UBASH3B: variants seen among roughly 807,000 people sequenced by gnomAD.
UBASH3B encodes the protein ubiquitin associated and SH3 domain containing B.
A neutral mutation model predicts 83.4 loss-of-function variants in UBASH3B; 37 were observed. The observed-to-expected ratio is 0.44, with a 90% CI of 0.34 to 0.58. The LOEUF is 0.58. Among genes scored for constraint, UBASH3B ranks in the 20% least tolerant of loss-of-function variants. UBASH3B has a pLI of 0.01. For synonymous variants in UBASH3B, 304 were observed against 318.3 expected, an observed-to-expected ratio of 0.96 and a Z score of 0.48; for missense variants, 657 against 827.2, an observed-to-expected ratio of 0.79 and a Z score of 2.52.
At chr11:122,720,313 T>G (rs117295806) in intron 1 of UBASH3B, among the ~76,000 whole-genome samples, 1,809 of 152,320 alleles carry the variant, frequency 0.012, 24 homozygotes, top group Admixed American at 0.019. Flanking sequence ...TTCCATCCAG[T>G]CCATCAGTGA....
intron 1 of UBASH3B, among the ~76,000 whole-genome samples, chr11:122,668,415 T>C (rs953089370): frequency 1.3e-5 from 2 of 152,200 alleles, no homozygotes; most frequent in African/African-American, 4.8e-5. Flanking sequence ...TCTGGCCTTT[T>C]GTTTGCATCT....
chr11:122,669,774 T>A (rs919829482), intron 1 of UBASH3B, among the ~76,000 whole-genome samples: 15 of 152,212 alleles, frequency 9.9e-5, no homozygotes, highest in Admixed American at 6.5e-5. Context: ...ATAGGAACTA[T>A]TATTATACCC....
At chr11:122,803,294 G>C (rs1861287060) in intron 11 of UBASH3B, among the ~76,000 whole-genome samples, 1 of 152,182 alleles carries the variant, frequency 6.6e-6, no homozygotes, top group Admixed American at 6.5e-5. Flanking sequence ...ATGCCAAATG[G>C]ACAAGCCTTT....
intron 1 of UBASH3B, among the ~76,000 whole-genome samples, chr11:122,690,978 G>A (rs1052010316): frequency 6.6e-5 from 10 of 152,244 alleles, no homozygotes; most frequent in South Asian, 2.1e-4. Flanking sequence ...ATGGTTTACC[G>A]AAGGCCACGA....
chr11:122,702,669 C>T (rs561377576), intron 1 of UBASH3B, among the ~76,000 whole-genome samples: 215 of 152,040 alleles, frequency 1.4e-3, no homozygotes, highest in African/African-American at 5.0e-3. Flanking sequence ...AGATTACAGG[C>T]GCATGCTACC....
At chr11:122,722,017 A>G (rs750523578) in intron 1 of UBASH3B, among the ~76,000 whole-genome samples, 5 of 152,240 alleles carry the variant, frequency 3.3e-5, no homozygotes, top group Non-Finnish European at 5.9e-5. Context: ...ATAATGCATT[A>G]GTCATCATAC....
chr11:122,680,123 G>T (rs1863719492), intron 1 of UBASH3B, among the ~76,000 whole-genome samples: 1 of 152,168 alleles, frequency 6.6e-6, no homozygotes, highest in Non-Finnish European at 1.5e-5. Context: ...GAGCCACCAT[G>T]CCCAACCAAT....
rs750083695 is a variant in UBASH3B, at chr11:122,656,033, T to C, written c.-17T>C. 1.2e-5 allele frequency: 18 copies of C among 1,564,004 alleles called. No homozygotes were observed. The highest frequency in any genetic ancestry group is 1.6e-5 in the Non-Finnish European group (18 of 1,156,106). ...CCGGCTCGGGCTCCTTCCCTGGCGA[T>C]GGCTGGCCGCTGAGCCATGGCTCAG... On this transcript the variant is annotated 5_prime_UTR_variant, in exon 1 of 14. It removes an upstream start codon present in the reference 5' UTR. Transcript: ENST00000284273.
At chr11:122,695,974 G>A (rs981665757) in intron 1 of UBASH3B, among the ~76,000 whole-genome samples, 13 of 152,176 alleles carry the variant, frequency 8.5e-5, no homozygotes, top group Admixed American at 8.5e-4. Context: ...TTTTGAGACA[G>A]AGTCTCATTC....
chr11:122,737,612 T>A (rs1244079671), intron 1 of UBASH3B, among the ~76,000 whole-genome samples: 1 of 490 alleles, frequency 2.0e-3, no homozygotes, highest in Non-Finnish European at 0.017. Context: ...CCCCTAGCCC[T>A]TTTTTTTTTC....
At position 122,758,259 on chromosome 11, in the gene UBASH3B, G is replaced by T. The variant is rs1255292066; in HGVS notation, c.162-17960G>T. On this transcript the variant is annotated intron_variant, in intron 1 of 13. Coordinates refer to ENST00000284273, the MANE Select transcript of UBASH3B (RefSeq NM_032873.5). The surrounding 1 kb of genome is among the most constrained non-coding windows in gnomAD (Gnocchi z 4.2). ...CCCCTCTCACTTCCTGGCGTGTTTG[G>T]TCAAGTCCCATTTATAATATGTAAA... Among the ~76,000 whole-genome samples, 1 of 152,164 alleles carries T rather than the reference G, an allele frequency of 6.6e-6. No homozygotes were observed. The highest frequency in any genetic ancestry group is 2.4e-5 in the African/African-American group (1 of 41,418).
At chr11:122,790,494 A>G (rs1861034915) in intron 6 of UBASH3B, among the ~76,000 whole-genome samples, 1 of 152,200 alleles carries the variant, frequency 6.6e-6, no homozygotes, top group Non-Finnish European at 1.5e-5. Flanking sequence ...TGGGTTTCCA[A>G]AGTCTCCATT....
intron 1 of UBASH3B, among the ~76,000 whole-genome samples, chr11:122,708,417 G>A (rs1156237823): frequency 2.0e-5 from 3 of 149,678 alleles, no homozygotes; most frequent in Non-Finnish European, 3.0e-5. Context: ...TCAGCCTCCC[G>A]AGTAGCTGGG....
chr11:122,725,971 C>T (rs375162359), intron 1 of UBASH3B, among the ~76,000 whole-genome samples: 1 of 152,096 alleles, frequency 6.6e-6, no homozygotes, highest in Non-Finnish European at 1.5e-5. Context: ...AGATTACAGG[C>T]GTGAGCCACT....
intron 1 of UBASH3B, among the ~76,000 whole-genome samples, chr11:122,659,031 A>C (rs1863399372): frequency 6.6e-6 from 1 of 152,162 alleles, no homozygotes; most frequent in Admixed American, 6.5e-5. Context: ...TTGTGGCTGC[A>C]TCAATCCAAT....
chr11:122,683,395 G>A lies in UBASH3B; in HGVS notation c.161+27185G>A, dbSNP rs145819834. Among the ~76,000 whole-genome samples, 1,895 of 151,952 alleles carry A rather than the reference G, an allele frequency of 0.012. 55 individuals are homozygous for A. In the East Asian group the frequency reaches 0.13, roughly 11 times the overall value. On this transcript the variant is annotated intron_variant, in intron 1 of 13. Transcript: ENST00000284273. Reference sequence around the variant, plus strand: ...TGTGGGAGGCCAAGGCGGGCAGATCGCTTGAGGTCAGGAGTTGGAGACCAT... The same window carrying A: ...TGTGGGAGGCCAAGGCGGGCAGATCACTTGAGGTCAGGAGTTGGAGACCAT...
In UBASH3B at chr11:122,783,196, C is replaced by T. The variant is rs1319679158; in HGVS notation, c.745C>T (p.Arg249Trp). ...TGACTGGGTGGCTACCATATTTTCT[C>T]GGGATATCCGATTTGCTAACCATGA... is the stretch of plus-strand genomic sequence containing the variant. ...GCDWVATIFSRDIRFANHETL... is the reference protein window; with the variant it reads ...GCDWVATIFSWDIRFANHETL... Residue 249 changes from arginine to tryptophan, a missense_variant, in exon 5 of 14, where the codon CGG becomes TGG. Physicochemically the swap from Arg to Trp is moderately radical, Grantham distance 101. Coordinates refer to ENST00000284273, the MANE Select transcript of UBASH3B (RefSeq NM_032873.5). 6.2e-7 allele frequency: 1 copy of T among 1,614,022 alleles called. No individual in the cohort carries two copies. The highest frequency in any genetic ancestry group is 8.5e-7 in the Non-Finnish European group (1 of 1,179,960).
intron 1 of UBASH3B, among the ~76,000 whole-genome samples, chr11:122,664,613 C>G (rs1195078222): frequency 6.6e-6 from 1 of 152,150 alleles, no homozygotes; most frequent in Non-Finnish European, 1.5e-5. Context: ...CCGGGGCCCT[C>G]GGTATGTGAT....
intron 1 of UBASH3B, among the ~76,000 whole-genome samples, chr11:122,664,849 C>A (rs866344827): frequency 6.6e-6 from 1 of 152,270 alleles, no homozygotes; most frequent in Non-Finnish European, 1.5e-5. Flanking sequence ...CCATCTGGCA[C>A]TCTGAAGTCA....
Sources: allele counts gnomAD v4.1 joint callset (sites outside exome capture counted in the v4.1 genomes callset), GRCh38; gene constraint gnomAD v4.1.1; non-coding constraint Gnocchi (gnomAD v3.1); transcripts MANE v1.5; gene names NCBI Gene and HGNC (gene_info 2026-07-23, HGNC 2026-07-21).